UBR4: variants seen among roughly 807,000 people sequenced by gnomAD.
The protein encoded by UBR4 is ubiquitin protein ligase E3 component n-recognin 4.
In UBR4, 124 loss-of-function variants were observed where a neutral mutation model predicts 575.6. The ratio of observed to expected loss-of-function variants is 0.22; its 90% CI spans 0.19 to 0.25. The LOEUF (loss-of-function observed/expected upper bound fraction) is 0.25. UBR4 is among the 10% of genes least tolerant of loss of function. UBR4 has a pLI of 1.00. For synonymous variants in UBR4, 2,455 were observed against 2,473.7 expected (o/e 0.99, Z 0.22); for missense variants, 4,818 against 6,478.8 (o/e 0.74, Z 8.80).
rs1186327700 is a variant in UBR4, at chr1:19,186,470, GA to G, written c.1750+69del. ...CTTTTGTTTGGTCAGGAAACTACAG[GA>G]ATCTGCTGAGAACACTCCTGTTGCA... On this transcript the variant is annotated intron_variant, in intron 14 of 105. Coordinates refer to ENST00000375254, the MANE Select transcript of UBR4 (RefSeq NM_020765.3). 22 of 1,363,590 alleles carry G rather than the reference GA, an allele frequency of 1.6e-5. No individual in the cohort carries two copies. The Admixed American group carries it at 2.7e-4, about 16-fold the overall frequency. 84.5% of individuals were successfully genotyped at this position (1,363,590 alleles called of 1,614,324 possible).
At chr1:19,207,629 C>CA (rs1353441924) in intron 1 of UBR4, among the ~76,000 whole-genome samples, 3 of 152,036 alleles carry the variant, frequency 2.0e-5, no homozygotes, top group Non-Finnish European at 4.4e-5. Flanking sequence ...ACTCTGTCTC[C>CA]AAAAAATAAA....
Position 19,100,532 on chromosome 1 carries a change from C to T in UBR4, c.13065G>A (p.Lys4355=), listed in dbSNP as rs371615454. The change falls in exon 89 of 106, where the codon AAG becomes AAA. Residue 4355 remains lysine, a synonymous_variant. Coordinates refer to ENST00000375254, the MANE Select transcript of UBR4 (RefSeq NM_020765.3). This position sits in a 1 kb window ranked among gnomAD's most constrained non-coding sequence, Gnocchi z 4.2. The part of the protein sequence containing the change: ...EVTEFFVTLE[K]DPQQEDFLQG... ...GTAAGAAGTCTTCTTGTTGGGGATC[C>T]TTCTCCAGGGTCACAAAGAACTCAG... 10 of 1,613,970 alleles carry T rather than the reference C, an allele frequency of 6.2e-6. No homozygotes were observed. In the African/African-American group the frequency reaches 1.2e-4, roughly 19 times the overall value.
intron 90 of UBR4, among the ~76,000 whole-genome samples, chr1:19,098,953 G>T (rs1375972841): frequency 6.6e-6 from 1 of 152,116 alleles, no homozygotes; most frequent in Non-Finnish European, 1.5e-5. Context: ...AAATGGAGGG[G>T]AAGAAAAAGA....
rs1468235576 is a variant in UBR4 at position 19,089,424 on chromosome 1, GC to G, written c.14212-448del. ...GACCTGCCCTGAGTTCTCCACGGGAGCCCCTGGGTCCACCAAACCTAGGAGC... is the reference window on the plus strand; with the variant it reads ...GACCTGCCCTGAGTTCTCCACGGGAGCCCTGGGTCCACCAAACCTAGGAGC... On this transcript the variant is annotated intron_variant, in intron 97 of 105. Coordinates refer to ENST00000375254, the MANE Select transcript of UBR4 (RefSeq NM_020765.3). The surrounding 1 kb of genome is among the most constrained non-coding windows in gnomAD (Gnocchi z 4.3). Among the ~76,000 whole-genome samples the G allele has an allele frequency of 7.9e-5, 12 of 152,290 alleles. No homozygotes were observed. In the South Asian group the frequency reaches 1.0e-3, roughly 13 times the overall value.
intron 63 of UBR4, among the ~76,000 whole-genome samples, chr1:19,126,988 G>GA (rs1210233459): frequency 6.6e-6 from 1 of 152,152 alleles, no homozygotes; most frequent in Admixed American, 6.5e-5. Context: ...TGAGCAACTA[G>GA]AAAAGAAGCC....
chr1:19,118,597 A>ATTTTTTTTTTTT (rs1187295632), intron 71 of UBR4: 1 of 355,828 alleles, frequency 2.8e-6, no homozygotes, highest in African/African-American at 2.1e-5. Flanking sequence ...ACTTTTTTAA[A>ATTTTTTTTTTTT]TTTTTTTTTA....
At position 19,152,768 on chromosome 1, in the gene UBR4, C is replaced by A. The variant is rs1235674817; in HGVS notation, c.6833-292G>T. Among the ~76,000 whole-genome samples, 1 of 152,214 alleles carries A rather than the reference C, an allele frequency of 6.6e-6. No individual in the cohort carries two copies. The highest frequency in any genetic ancestry group is 1.5e-5 in the Non-Finnish European group (1 of 68,032). ...TATTTAAAATAAACAATAGGAGCTACTTCTTTAATGAATGTAAATGAATAA... is the reference window on the plus strand; with the variant it reads ...TATTTAAAATAAACAATAGGAGCTAATTCTTTAATGAATGTAAATGAATAA... On this transcript the variant is annotated intron_variant, in intron 46 of 105. Coordinates refer to ENST00000375254, the MANE Select transcript of UBR4 (RefSeq NM_020765.3). This position sits in a 1 kb window ranked among gnomAD's most constrained non-coding sequence, Gnocchi z 4.4.
intron 64 of UBR4, among the ~76,000 whole-genome samples, chr1:19,125,993 A>G (rs113601576): frequency 0.02 from 3,081 of 152,288 alleles, 116 homozygotes; most frequent in African/African-American, 0.07. Context: ...GGTTAGACAG[A>G]CAGAACTTCT....
intron 97 of UBR4, among the ~76,000 whole-genome samples, chr1:19,091,611 C>T (rs979462495): frequency 1.3e-5 from 2 of 152,154 alleles, no homozygotes; most frequent in South Asian, 2.1e-4. Context: ...CAGAACCACA[C>T]GGAATCACTG....
chr1:19,088,003 G>A lies in UBR4; in HGVS notation c.14431-74C>T. The A allele has an allele frequency of 1.1e-5, 13 of 1,199,292 alleles. No homozygotes were observed. Among genetic ancestry groups the A allele is most frequent in the Non-Finnish European group, 1.6e-5 (13 of 827,606 alleles). 74.3% of individuals were successfully genotyped at this position (1,199,292 alleles called of 1,614,324 possible). A position where few individuals can be genotyped will look rare whatever the true frequency, so the allele number is the denominator to read the frequency against. On this transcript the variant is annotated intron_variant, in intron 98 of 105. Coordinates refer to ENST00000375254, the MANE Select transcript of UBR4 (RefSeq NM_020765.3). This position sits in a 1 kb window ranked among gnomAD's most constrained non-coding sequence, Gnocchi z 4.0. ...TCCCACCCTAGCTTGGAGATGCTCA[G>A]GAACAGGGCTAACCTTCTACCTCCA... is the stretch of plus-strand genomic sequence containing the variant.
At position 19,117,384 on chromosome 1, in the gene UBR4, T is replaced by C. The variant is rs769109623; in HGVS notation, c.10660A>G (p.Thr3554Ala). 3.7e-6 allele frequency: 6 copies of C among 1,614,078 alleles called. No individual in the cohort carries two copies. The highest frequency in any genetic ancestry group is 4.2e-6 in the Non-Finnish European group (5 of 1,180,042). Residue 3554 changes from threonine to alanine, a missense_variant, in exon 73 of 106, where the codon ACG (threonine) becomes GCG (alanine). Thr to Ala is a moderately conservative substitution (Grantham distance 58). Coordinates refer to ENST00000375254, the MANE Select transcript of UBR4 (RefSeq NM_020765.3). This position sits in a 1 kb window ranked among gnomAD's most constrained non-coding sequence, Gnocchi z 4.0. The part of the protein sequence containing the change: ...YIKLSSIKVD[T>A]RYTTTQQVVK... ...ACCTGCTGGGTGGTGGTGTACCGCGTGTCCACTTTAATGGAAGACAGCTTG... is the reference window on the plus strand; with the variant it reads ...ACCTGCTGGGTGGTGGTGTACCGCGCGTCCACTTTAATGGAAGACAGCTTG...
At position 19,112,756 on chromosome 1, in the gene UBR4, G is replaced by A; in HGVS notation, c.11569C>T (p.Arg3857Cys). 6.2e-7 allele frequency: 1 copy of A among 1,614,228 alleles called. No individual in the cohort carries two copies. Among genetic ancestry groups the A allele is most frequent in the Non-Finnish European group, 8.5e-7 (1 of 1,180,030 alleles). Residue 3857 changes from arginine to cysteine, a missense_variant, in exon 78 of 106, where the codon CGT (arginine) becomes TGT (cysteine). Physicochemically the swap from Arg to Cys is radical, Grantham distance 180 (BLOSUM62 -3). Coordinates refer to ENST00000375254, the MANE Select transcript of UBR4 (RefSeq NM_020765.3). ...VQPTFTASQY[R>C]ALSVLGCGHT... The stretch of plus-strand genomic sequence containing the variant: ...CCACAGCCCAGGACGGATAAGGCAC[G>A]GTACTGGCTGGCAGTGAATGTGGGC...
chr1:19,209,240 GA>G (rs1251382588), intron 1 of UBR4, among the ~76,000 whole-genome samples: 1 of 152,178 alleles, frequency 6.6e-6, no homozygotes, highest in African/African-American at 2.4e-5. Flanking sequence ...CTAGAAAAAT[GA>G]AAGTCAGTCT....
At chr1:19,096,782 C>A in intron 91 of UBR4, 132 bp from the exon 92 acceptor site, 1 of 1,313,384 alleles carries the variant, frequency 7.6e-7, no homozygotes. Flanking sequence ...AAAGACACGG[C>A]CAATAAAAGG....
At chr1:19,119,462 C>T in intron 70 of UBR4, 95 bp downstream of exon 70, 1 of 1,484,126 alleles carries the variant, frequency 6.7e-7, no homozygotes, top group Non-Finnish European at 9.1e-7. Context: ...CCTATATGGA[C>T]TCCCTATATC....
intron 5 of UBR4, 26 bp from the exon 6 acceptor site, chr1:19,198,075 AG>A: frequency 6.2e-7 from 1 of 1,605,316 alleles, no homozygotes; most frequent in Non-Finnish European, 8.5e-7. Context: ...AGGCCTGTCA[AG>A]ATACTATTAT....
intron 13 of UBR4, 145 bp from the exon 14 acceptor site, chr1:19,186,802 T>G (rs1241778467): frequency 1.4e-6 from 1 of 704,182 alleles, no homozygotes; most frequent in Admixed American, 2.9e-5. Flanking sequence ...CTTTCATCAC[T>G]TTACCCTACA....
chr1:19,086,883 A>G, intron 99 of UBR4, 62 bp from the exon 100 acceptor site: 2 of 1,590,726 alleles, frequency 1.3e-6, no homozygotes, highest in South Asian at 2.3e-5. Context: ...CAGGAGAAGC[A>G]GAATAGAGGG....
chr1:19,100,308 T>C lies in UBR4; in HGVS notation c.13221+68A>G. ...TAATCAGCTACTAGGAAGAAGCACC[T>C]GGATTTGGTTAGCCTAGGAGGAAGC... On this transcript the variant is annotated intron_variant, in intron 89 of 105. Transcript: ENST00000375254. The surrounding 1 kb of genome is among the most constrained non-coding windows in gnomAD (Gnocchi z 4.2). The C allele has an allele frequency of 6.4e-7, 1 of 1,569,520 alleles. No individual in the cohort carries two copies.
Sources: allele counts gnomAD v4.1 joint callset (sites outside exome capture counted in the v4.1 genomes callset), GRCh38; gene constraint gnomAD v4.1.1; non-coding constraint Gnocchi (gnomAD v3.1); transcripts MANE v1.5; gene names NCBI Gene and HGNC (gene_info 2026-07-23, HGNC 2026-07-21).